Variants in BTRC observed in about 807,000 individuals in gnomAD.
The protein encoded by BTRC is beta-transducin repeat containing E3 ubiquitin protein ligase.
Under a neutral mutation model 85.5 loss-of-function variants are expected in BTRC, and 42 were observed. That is an observed-to-expected ratio of 0.49 (90% CI 0.38 to 0.64). The LOEUF is 0.64. Ranked by LOEUF, BTRC falls within the 30% of genes least tolerant of loss-of-function variation. The pLI is 0.00. For missense variants in BTRC, 594 were observed against 743.5 expected, an observed-to-expected ratio of 0.80 and a Z score of 2.34; for synonymous variants, 255 against 263.3, an observed-to-expected ratio of 0.97 and a Z score of 0.30.
intron 4 of BTRC, among the ~76,000 whole-genome samples, chr10:101,517,782 G>A (rs1346831659): frequency 1.3e-5 from 2 of 152,038 alleles, no homozygotes; most frequent in African/African-American, 2.4e-5. Flanking sequence ...ATATCCAGTC[G>A]ATCAGCAAAT....
intron 1 of BTRC, among the ~76,000 whole-genome samples, chr10:101,376,139 A>G (rs917885883): frequency 6.6e-6 from 1 of 152,178 alleles, no homozygotes; most frequent in African/African-American, 2.4e-5. Flanking sequence ...CAGTCTGGCC[A>G]ATGTGGTGAA....
At chr10:101,404,030 ATTT>A (rs1160307747) in intron 1 of BTRC, among the ~76,000 whole-genome samples, 3 of 25,424 alleles carry the variant, frequency 1.2e-4, no homozygotes, top group Non-Finnish European at 1.8e-4. Context: ...ATATATATAT[ATTT>A]TTTTTTTTTT....
chr10:101,359,764 C>A (rs1212207353), intron 1 of BTRC, among the ~76,000 whole-genome samples: 1 of 152,140 alleles, frequency 6.6e-6, no homozygotes, highest in East Asian at 1.9e-4. Flanking sequence ...CCACACCCAG[C>A]TAATTTTGTA....
chr10:101,526,654 C>T (rs1295287472), intron 6 of BTRC, among the ~76,000 whole-genome samples: 1 of 151,904 alleles, frequency 6.6e-6, no homozygotes. Context: ...GTGGCGTGCA[C>T]CTGTAATCCC....
chr10:101,390,812 G>T (rs1000075707), intron 1 of BTRC, among the ~76,000 whole-genome samples: 7 of 152,084 alleles, frequency 4.6e-5, no homozygotes, highest in African/African-American at 1.7e-4. Context: ...AAGGGTGAAT[G>T]TACTGTCCAG....
chr10:101,515,890 A>G (rs545949942), intron 4 of BTRC, among the ~76,000 whole-genome samples: 1 of 152,302 alleles, frequency 6.6e-6, no homozygotes, highest in African/African-American at 2.4e-5. Context: ...TTTTCAAAAA[A>G]TGTATTCTTT....
chr10:101,552,994 C>T (rs2062675112), intron 14 of BTRC, among the ~76,000 whole-genome samples, 161 bp from the exon 15 acceptor site: 1 of 152,198 alleles, frequency 6.6e-6, no homozygotes, highest in South Asian at 2.1e-4. Context: ...GGCCAGGTCA[C>T]CTTTGACAGA....
In BTRC at chr10:101,536,682, A is replaced by C. The variant is rs200784936; in HGVS notation, c.1577+29A>C. The C allele has an allele frequency of 7.6e-4, 1,152 of 1,515,382 alleles. 8 individuals carry two copies. The highest frequency in any genetic ancestry group is 5.7e-3 in the South Asian group (503 of 88,314). The allele number at this position is 1,515,382 out of a possible 1,614,324, so 93.9% of individuals were successfully genotyped here. ...AGTGTGCTAACAGAGTGTAAAAAAG[A>C]GAAAATCTACGTCTTAATCCTTCCT... On this transcript the variant is annotated intron_variant, in intron 12 of 14. Coordinates refer to ENST00000370187, the MANE Select transcript of BTRC (RefSeq NM_033637.4).
chr10:101,460,664 G>C (rs1243429543), intron 2 of BTRC, among the ~76,000 whole-genome samples: 1 of 152,168 alleles, frequency 6.6e-6, no homozygotes, highest in African/African-American at 2.4e-5. Context: ...GAATGACACA[G>C]TACGTTTTTT....
At chr10:101,476,979 GTGTT>G (rs1258826312) in intron 3 of BTRC, among the ~76,000 whole-genome samples, 2 of 151,620 alleles carry the variant, frequency 1.3e-5, no homozygotes, top group Non-Finnish European at 2.9e-5. Context: ...CTAGCAATCT[GTGTT>G]TGTTTTGTTT....
At chr10:101,447,665 T>C (rs1944861763) in intron 2 of BTRC, among the ~76,000 whole-genome samples, 1 of 152,114 alleles carries the variant, frequency 6.6e-6, no homozygotes, top group Non-Finnish European at 1.5e-5. Flanking sequence ...ATAACAGATA[T>C]TAGTATATTA....
intron 13 of BTRC, among the ~76,000 whole-genome samples, chr10:101,541,812 T>C (rs1316140738): frequency 6.6e-6 from 1 of 152,212 alleles, no homozygotes; most frequent in Non-Finnish European, 1.5e-5. Context: ...TTTTTATGTG[T>C]TGTTGGATTC....
At chr10:101,455,988 A>ACACACACACG (rs1277730103) in intron 2 of BTRC, among the ~76,000 whole-genome samples, 1 of 146,456 alleles carries the variant, frequency 6.8e-6, no homozygotes, top group East Asian at 2.0e-4. Flanking sequence ...CTAAAAACAC[A>ACACACACACG]CACACACACA....
chr10:101,450,504 T>C (rs546797585), intron 2 of BTRC, among the ~76,000 whole-genome samples: 1 of 152,298 alleles, frequency 6.6e-6, no homozygotes, highest in East Asian at 1.9e-4. Flanking sequence ...TGAGCTTGTT[T>C]ATCTTAAAAG....
chr10:101,488,241 A>G (rs961610479), intron 4 of BTRC, among the ~76,000 whole-genome samples: 1 of 152,182 alleles, frequency 6.6e-6, no homozygotes, highest in Non-Finnish European at 1.5e-5. Flanking sequence ...AAGAGGAGCA[A>G]AATCCAGGCA....
At chr10:101,371,294 T>C (rs1222759350) in intron 1 of BTRC, among the ~76,000 whole-genome samples, 1 of 152,118 alleles carries the variant, frequency 6.6e-6, no homozygotes, top group African/African-American at 2.4e-5. Flanking sequence ...TTCTCCTGCC[T>C]CAGCCTCCTG....
chr10:101,525,964 T>C (rs1299674932), intron 5 of BTRC, 49 bp from the exon 6 acceptor site: 1 of 1,569,864 alleles, frequency 6.4e-7, no homozygotes, highest in South Asian at 1.1e-5. Flanking sequence ...TAAAAAATCA[T>C]TCGCCACCTT....
intron 4 of BTRC, among the ~76,000 whole-genome samples, chr10:101,510,145 A>G (rs1946663102): frequency 6.6e-6 from 1 of 151,886 alleles, no homozygotes; most frequent in African/African-American, 2.4e-5. Flanking sequence ...AAAAAGAAAA[A>G]AAGAAAAGAA....
At chr10:101,522,269 T>C (rs2062119245) in intron 5 of BTRC, among the ~76,000 whole-genome samples, 1 of 143,052 alleles carries the variant, frequency 7.0e-6, no homozygotes. Context: ...CTGGATCTCC[T>C]GACCTCGTGG....
Sources: allele counts gnomAD v4.1 joint callset (sites outside exome capture counted in the v4.1 genomes callset), GRCh38; gene constraint gnomAD v4.1.1; transcripts MANE v1.5; gene names NCBI Gene and HGNC (gene_info 2026-07-23, HGNC 2026-07-21).